The following CHIC2 variants were observed in gnomAD, a reference collection of about 807,000 sequenced individuals.
CHIC2 encodes the protein cysteine-rich hydrophobic domain-containing protein 2.
A neutral mutation model predicts 25.9 loss-of-function variants in CHIC2; 14 were observed. The ratio of observed to expected loss-of-function variants is 0.54; its 90% CI spans 0.36 to 0.85. CHIC2 has a LOEUF of 0.85. Among genes scored for constraint, CHIC2 ranks in the 40% least tolerant of loss-of-function variants. CHIC2 has a pLI of 0.01. For synonymous variants in CHIC2, 70 were observed against 72.0 expected (o/e 0.97, Z 0.14); for missense variants, 146 against 202.0 (o/e 0.72, Z 1.68).
At chr4:54,012,504 A>G (rs1017638717) in intron 5 of CHIC2, among the ~76,000 whole-genome samples, 1 of 152,164 alleles carries the variant, frequency 6.6e-6, no homozygotes, top group African/African-American at 2.4e-5. Context: ...TTTCCAAAGT[A>G]AATTTAGAAA....
intron 3 of CHIC2, among the ~76,000 whole-genome samples, chr4:54,030,555 T>TACACACACAC (rs201490639): frequency 4.3e-5 from 4 of 92,206 alleles, no homozygotes; most frequent in African/African-American, 1.6e-4. Context: ...TATATATGTA[T>TACACACACAC]ACACACACAC....
intron 3 of CHIC2, among the ~76,000 whole-genome samples, chr4:54,031,831 G>T (rs903708233): frequency 3.3e-5 from 5 of 151,982 alleles, no homozygotes; most frequent in African/African-American, 1.2e-4. Flanking sequence ...TGTTGGCCAG[G>T]CTGGTCTTGA....
the CHIC2 span, chr4:54,087,832 C>G: frequency 2.7e-6 from 1 of 369,772 alleles, no homozygotes; most frequent in African/African-American, 2.1e-5. Context: ...TCTGGAAACA[C>G]TTTTTGTTCT....
At chr4:54,084,480 C>G in the CHIC2 span, among the ~76,000 whole-genome samples, 1 of 138,918 alleles carries the variant, frequency 7.2e-6, no homozygotes, top group Admixed American at 7.1e-5. Context: ...CTTGTCTGAT[C>G]TCAGAAAAAT....
the CHIC2 span, among the ~76,000 whole-genome samples, chr4:54,090,420 A>G: frequency 6.6e-6 from 1 of 152,098 alleles, no homozygotes; most frequent in South Asian, 2.1e-4. Flanking sequence ...TCTAGCCTCA[A>G]GTAATCTGCC....
chr4:54,058,694 T>C (rs1038392482), intron 1 of CHIC2, among the ~76,000 whole-genome samples: 1 of 152,140 alleles, frequency 6.6e-6, no homozygotes, highest in Non-Finnish European at 1.5e-5. Context: ...AATAGCTTTA[T>C]AGCAGATTAG....
the CHIC2 span, among the ~76,000 whole-genome samples, chr4:54,091,497 C>T: frequency 6.6e-6 from 1 of 152,152 alleles, no homozygotes; most frequent in Non-Finnish European, 1.5e-5. Context: ...CACATTCATA[C>T]ACTCATATAT....
chr4:54,022,290 C>T (rs191884028), intron 3 of CHIC2, among the ~76,000 whole-genome samples: 114 of 152,204 alleles, frequency 7.5e-4, no homozygotes, highest in Admixed American at 7.2e-4. Flanking sequence ...CCGACGCTGC[C>T]CGATCGCCTC....
the CHIC2 span, among the ~76,000 whole-genome samples, chr4:54,088,265 T>C: frequency 6.6e-6 from 1 of 152,182 alleles, no homozygotes; most frequent in Non-Finnish European, 1.5e-5. Context: ...AGGCATTCTG[T>C]CTTTGCGCAA....
At chr4:54,042,107 T>A (rs1716596567) in intron 3 of CHIC2, among the ~76,000 whole-genome samples, 3 of 152,078 alleles carry the variant, frequency 2.0e-5, no homozygotes. Context: ...CACACATGCA[T>A]GAAGTGTCAC....
the CHIC2 span, chr4:54,087,799 C>A: frequency 4.7e-6 from 2 of 421,868 alleles, no homozygotes; most frequent in Non-Finnish European, 8.9e-6. Flanking sequence ...GTCTACAGAC[C>A]ATTCACTGTT....
chr4:54,075,892 T>C, the CHIC2 span, among the ~76,000 whole-genome samples: 1 of 152,192 alleles, frequency 6.6e-6, no homozygotes, highest in African/African-American at 2.4e-5. Flanking sequence ...TTATAAAACA[T>C]GTTCATTTGC....
At chr4:54,018,365 T>C (rs914037824) in intron 3 of CHIC2, among the ~76,000 whole-genome samples, 1 of 152,124 alleles carries the variant, frequency 6.6e-6, no homozygotes, top group Admixed American at 6.5e-5. Flanking sequence ...GTAACTTTCT[T>C]AGGAATAAAT....
Position 54,013,913 on chromosome 4 carries a change from G to A in CHIC2, c.388-17C>T. ...CAAGCACAGCTAGACAAGTAGGAAA[G>A]TAAAAGAAGAAAAATGAGCTCTATT... On this transcript the variant is annotated splice_polypyrimidine_tract_variant and intron_variant, in intron 4 of 5. Coordinates refer to ENST00000263921, the MANE Select transcript of CHIC2 (RefSeq NM_012110.4). 1 of 1,612,698 alleles carries A rather than the reference G, an allele frequency of 6.2e-7. No homozygotes were observed. Among genetic ancestry groups the A allele is most frequent in the Non-Finnish European group, 8.5e-7 (1 of 1,179,160 alleles).
the CHIC2 span, among the ~76,000 whole-genome samples, chr4:54,071,278 A>C: frequency 6.6e-6 from 1 of 152,362 alleles, no homozygotes; most frequent in African/African-American, 2.4e-5. Context: ...CAGCACTTAA[A>C]AAGTTTCAGG....
Position 54,049,445 on chromosome 4 carries a change from A to G in CHIC2, c.120-140T>C, listed in dbSNP as rs1716937006. ...TAGACATAAAATGGAAGTTTGAGAT[A>G]AAATAACTGTAACAAGCAATTTATG... On this transcript the variant is annotated intron_variant, in intron 1 of 5. Coordinates refer to ENST00000263921, the MANE Select transcript of CHIC2 (RefSeq NM_012110.4). The G allele has an allele frequency of 2.2e-5, 11 of 499,202 alleles. No individual in the cohort carries two copies. The South Asian group carries it at 4.5e-4, about 20-fold the overall frequency. 30.9% of individuals were successfully genotyped at this position (499,202 alleles called of 1,614,324 possible).
Position 54,064,381 on chromosome 4 carries a change from G to A in CHIC2, c.-81C>T. The A allele has an allele frequency of 6.4e-7, 1 of 1,570,354 alleles. No individual in the cohort carries two copies. The highest frequency in any genetic ancestry group is 1.2e-5 in the South Asian group (1 of 86,830). ...GGTACCGGCGGGCGAGGCGGCGGAG[G>A]CTGAGGGGAGTCGCCGCTGCCGCCG... On this transcript the variant is annotated 5_prime_UTR_variant, in exon 1 of 6. Transcript: ENST00000263921. This position sits in a 1 kb window ranked among gnomAD's most constrained non-coding sequence, Gnocchi z 4.2.
At chr4:54,075,363 A>G in the CHIC2 span, among the ~76,000 whole-genome samples, 2 of 152,168 alleles carry the variant, frequency 1.3e-5, no homozygotes, top group Non-Finnish European at 2.9e-5. Context: ...CTGGACGAAT[A>G]ACTTAGTCTT....
the CHIC2 span, chr4:54,087,423 C>T: frequency 6.0e-4 from 350 of 586,602 alleles, no homozygotes; most frequent in Non-Finnish European, 9.2e-4. Flanking sequence ...TGTAAAACAT[C>T]GCAGGGAAAC....
Sources: gnomAD v4.1 joint callset for allele counts (sites outside exome capture counted in the v4.1 genomes callset) on GRCh38, gnomAD v4.1.1 for gene constraint, Gnocchi (gnomAD v3.1) non-coding constraint, MANE v1.5 for transcripts, NCBI Gene and HGNC (gene_info 2026-07-23, HGNC 2026-07-21) for gene names.